MTPAP: variants seen among roughly 807,000 people sequenced by gnomAD.
MTPAP encodes the protein poly(A) RNA polymerase, mitochondrial.
A neutral mutation model predicts 48.7 loss-of-function variants in MTPAP; 23 were observed. That is an observed-to-expected ratio of 0.47 (90% CI 0.34 to 0.67). MTPAP has a LOEUF of 0.67. MTPAP is among the 30% of genes least tolerant of loss of function. MTPAP has a pLI of 0.01. For missense variants in MTPAP, 614 were observed against 694.3 expected, an observed-to-expected ratio of 0.88 and a Z score of 1.30; for synonymous variants, 257 against 254.1, an observed-to-expected ratio of 1.01 and a Z score of -0.11.
chr10:30,347,630 G>T (rs1012684249), intron 1 of MTPAP, among the ~76,000 whole-genome samples: 1 of 152,208 alleles, frequency 6.6e-6, no homozygotes, highest in African/African-American at 2.4e-5. Context: ...GGTGGCTCAC[G>T]CCTGTAATCC....
intron 4 of MTPAP, among the ~76,000 whole-genome samples, chr10:30,329,903 C>T (rs2132857213): frequency 6.8e-6 from 1 of 147,266 alleles, no homozygotes; most frequent in South Asian, 2.2e-4. Flanking sequence ...CAAGACACTA[C>T]TAATGGGGGA....
chr10:30,317,830 A>C (rs1471010165), intron 6 of MTPAP, among the ~76,000 whole-genome samples: 1 of 152,100 alleles, frequency 6.6e-6, no homozygotes, highest in Non-Finnish European at 1.5e-5. Context: ...GCAGGTATAT[A>C]ATCAATAATC....
chr10:30,316,979 T>C (rs962878705), intron 6 of MTPAP, among the ~76,000 whole-genome samples: 2 of 152,252 alleles, frequency 1.3e-5, no homozygotes, highest in Non-Finnish European at 2.9e-5. Flanking sequence ...TGAATAATTA[T>C]GACTGAATGA....
At chr10:30,339,434 G>C (rs1302652551) in intron 3 of MTPAP, among the ~76,000 whole-genome samples, 2 of 133,366 alleles carry the variant, frequency 1.5e-5, no homozygotes, top group African/African-American at 5.7e-5. Flanking sequence ...AGTAAGCCAA[G>C]ATCATGCCAC....
rs767660246 is a variant in MTPAP at position 30,336,810 on chromosome 10, G to A, written c.773C>T (p.Ala258Val). The A allele has an allele frequency of 6.2e-7, 1 of 1,602,962 alleles. No individual in the cohort carries two copies. The highest frequency in any genetic ancestry group is 1.1e-5 in the South Asian group (1 of 90,808). ...CAAAAGAAATAGACTTACCTTGTGA[G>A]CGCTGAGGTTTCTGGTTTCATCTAG... is the stretch of plus-strand genomic sequence containing the variant. ...LDLDETRNLS[A>V]HKISGNFLME... The change falls in exon 4 of 9, where the codon GCT (alanine) becomes GTT (valine). Residue 258 changes from alanine (A) to valine (V), a missense_variant. Transcript: ENST00000263063.
At position 30,309,992 on chromosome 10, in the gene MTPAP, G is replaced by A. The variant is rs768468336; in HGVS notation, c.*3617C>T. ...ATACTAGTGGGCTATAGCTGAAATC[G>A]TTTTGATCTGGGTAGTCTCCTATCA... On this transcript the variant is annotated 3_prime_UTR_variant, in exon 9 of 9. Coordinates refer to ENST00000263063, the MANE Select transcript of MTPAP (RefSeq NM_018109.4). 6.6e-6 allele frequency: 1 copy of A among 152,092 alleles called. No individual in the cohort carries two copies. The highest frequency in any genetic ancestry group is 1.5e-5 in the Non-Finnish European group (1 of 68,030). 9.4% of individuals were successfully genotyped at this position (152,092 alleles called of 1,614,324 possible).
chr10:30,330,727 C>A (rs1834655251), intron 4 of MTPAP, among the ~76,000 whole-genome samples: 1 of 152,172 alleles, frequency 6.6e-6, no homozygotes, highest in African/African-American at 2.4e-5. Context: ...TAAGGTTAAG[C>A]AAACTCATGT....
In MTPAP at chr10:30,336,875, A is replaced by G. The variant is rs1184981273; in HGVS notation, c.708T>C (p.Thr236=). The change falls in exon 4 of 9, where the codon ACT becomes ACC. Residue 236 remains threonine, a synonymous_variant. Coordinates refer to ENST00000263063, the MANE Select transcript of MTPAP (RefSeq NM_018109.4). The part of the protein sequence containing the change: ...IVRPFGSSVN[T]FGKLGCDLDM... Reference sequence around the variant, plus strand: ...CCAAATCACATCCTAACTTCCCAAAAGTGTTGACTGAGGAGCCAAAGGGTC... The same window carrying G: ...CCAAATCACATCCTAACTTCCCAAAGGTGTTGACTGAGGAGCCAAAGGGTC... 6.2e-7 allele frequency: 1 copy of G among 1,612,950 alleles called. No individual in the cohort carries two copies. Among genetic ancestry groups the G allele is most frequent in the East Asian group, 2.2e-5 (1 of 44,884 alleles).
Position 30,341,455 on chromosome 10 carries a change from T to C in MTPAP, c.330+13A>G. ...GCATAAACGTTAAGTTAGATTGTTT[T>C]TCAAATACTTACAAAGCTTTCATAG... On this transcript the variant is annotated intron_variant, in intron 2 of 8. Transcript: ENST00000263063. 1.9e-6 allele frequency: 3 copies of C among 1,610,606 alleles called. No individual in the cohort carries two copies. Among genetic ancestry groups the C allele is most frequent in the Non-Finnish European group, 2.5e-6 (3 of 1,178,268 alleles).
At chr10:30,324,165 GAGTA>G (rs1834552515) in intron 5 of MTPAP, among the ~76,000 whole-genome samples, 1 of 152,120 alleles carries the variant, frequency 6.6e-6, no homozygotes, top group Non-Finnish European at 1.5e-5. Flanking sequence ...CTTGGCGACA[GAGTA>G]AGGCATCATC....
At chr10:30,317,861 A>G (rs1840679374) in intron 6 of MTPAP, among the ~76,000 whole-genome samples, 1 of 151,886 alleles carries the variant, frequency 6.6e-6, no homozygotes, top group Non-Finnish European at 1.5e-5. Context: ...CTGATATTTT[A>G]ATTTTTTTTT....
At chr10:30,315,652 T>C (rs568703833) in intron 8 of MTPAP, among the ~76,000 whole-genome samples, 39 of 152,302 alleles carry the variant, frequency 2.6e-4, no homozygotes, top group African/African-American at 5.1e-4. Flanking sequence ...ATGTAAATAA[T>C]AGTTTTCAGG....
At chr10:30,318,376 T>C (rs146146040) in intron 6 of MTPAP, among the ~76,000 whole-genome samples, 6 of 152,350 alleles carry the variant, frequency 3.9e-5, no homozygotes, top group Non-Finnish European at 8.8e-5. Context: ...ATAAAATGTA[T>C]GTATGTATAT....
chr10:30,311,694 TCTCA>T lies in MTPAP; in HGVS notation c.*1911_*1914del, dbSNP rs1840594629. The T allele has an allele frequency of 1.3e-5, 2 of 152,328 alleles. No individual in the cohort carries two copies. The highest frequency in any genetic ancestry group is 2.1e-4 in the South Asian group (1 of 4,820). 9.4% of individuals were successfully genotyped at this position (152,328 alleles called of 1,614,324 possible). ...ACTTGCTTCTTTTCCTTTGAGAGAG[TCTCA>T]CTGTCGCCCAGGATGGAGTACAGTG... is the stretch of plus-strand genomic sequence containing the variant. On this transcript the variant is annotated 3_prime_UTR_variant, in exon 9 of 9. Transcript: ENST00000263063.
chr10:30,322,655 C>T, intron 5 of MTPAP, 38 bp from the exon 6 acceptor site: 1 of 1,444,840 alleles, frequency 6.9e-7, no homozygotes, highest in African/African-American at 1.4e-5. Flanking sequence ...TTCAAATCCC[C>T]AAATTATAAA....
At chr10:30,329,260 A>G (rs757012315) in intron 4 of MTPAP, among the ~76,000 whole-genome samples, 5 of 151,224 alleles carry the variant, frequency 3.3e-5, no homozygotes, top group Non-Finnish European at 7.4e-5. Flanking sequence ...AAAGGGTATC[A>G]CTCTGCCACC....
chr10:30,313,945 A>C lies in MTPAP; in HGVS notation c.1413T>G (p.Ser471=). 1.2e-6 allele frequency: 2 copies of C among 1,613,990 alleles called. No homozygotes were observed. The highest frequency in any genetic ancestry group is 1.7e-6 in the Non-Finnish European group (2 of 1,179,878). Residue 471 remains serine, a synonymous_variant, in exon 9 of 9, where the codon TCT becomes TCG. Coordinates refer to ENST00000263063, the MANE Select transcript of MTPAP (RefSeq NM_018109.4). ...RQGREQNKPD[S]SPLYIQNPFE... is the part of the protein sequence containing the mutation. ...ATGGATTCTGAATGTACAGAGGAGAAGAATCAGGTTTGTTTTGCTCCCTTC... is the reference window on the plus strand; with the variant it reads ...ATGGATTCTGAATGTACAGAGGAGACGAATCAGGTTTGTTTTGCTCCCTTC...
intron 4 of MTPAP, among the ~76,000 whole-genome samples, chr10:30,326,920 A>C (rs1325050811): frequency 6.6e-6 from 1 of 152,210 alleles, no homozygotes; most frequent in Non-Finnish European, 1.5e-5. Context: ...AATGAATCAT[A>C]AATACTATGC....
intron 6 of MTPAP, among the ~76,000 whole-genome samples, chr10:30,316,436 T>A (rs1363353278): frequency 6.6e-6 from 1 of 151,170 alleles, no homozygotes; most frequent in East Asian, 2.0e-4. Flanking sequence ...AGGGATGGGG[T>A]TTTACCATGT....
Sources: allele counts gnomAD v4.1 joint callset (sites outside exome capture counted in the v4.1 genomes callset), GRCh38; gene constraint gnomAD v4.1.1; transcripts MANE v1.5; gene names NCBI Gene and HGNC (gene_info 2026-07-23, HGNC 2026-07-21).